The following NAV3 variants were observed in gnomAD, a reference collection of about 807,000 sequenced individuals.
NAV3 encodes neuron navigator 3.
In NAV3, 87 loss-of-function variants were observed where a neutral mutation model predicts 244.7. The ratio of observed to expected loss-of-function variants is 0.36; its 90% CI spans 0.30 to 0.42. NAV3 has a LOEUF of 0.42. NAV3 is among the 20% of genes least tolerant of loss of function. The pLI is 1.00. For synonymous variants in NAV3, 1,126 were observed against 1,042.2 expected (o/e 1.08, Z -1.55); for missense variants, 2,663 against 2,893.3 (o/e 0.92, Z 1.83).
chr12:77,623,697 A>T (rs919067336), intron 2 of NAV3, among the ~76,000 whole-genome samples: 5 of 152,206 alleles, frequency 3.3e-5, no homozygotes, highest in African/African-American at 1.2e-4. Flanking sequence ...AAATGCCAGG[A>T]TTTTCCTTGA....
At chr12:77,841,127 G>A (rs1486579216) in intron 1 of NAV3, among the ~76,000 whole-genome samples, 1 of 152,080 alleles carries the variant, frequency 6.6e-6, no homozygotes, top group Non-Finnish European at 1.5e-5. Flanking sequence ...TGGTTACATG[G>A]AGGACCTCCC....
At chr12:77,763,382 G>A (rs566619870) in intron 2 of NAV3, among the ~76,000 whole-genome samples, 68 of 152,300 alleles carry the variant, frequency 4.5e-4, no homozygotes, top group Non-Finnish European at 8.1e-4. Flanking sequence ...AAACAGGAGA[G>A]GTTTCAGCTT....
chr12:77,884,871 C>T (rs1006212178), intron 1 of NAV3, among the ~76,000 whole-genome samples: 1 of 152,070 alleles, frequency 6.6e-6, no homozygotes. Flanking sequence ...AATTTAGTAT[C>T]ACTTAAGAGG....
intron 2 of NAV3, among the ~76,000 whole-genome samples, chr12:77,648,328 C>A (rs896943882): frequency 6.6e-6 from 1 of 152,074 alleles, no homozygotes; most frequent in East Asian, 1.9e-4. Flanking sequence ...CACAGAGACA[C>A]CCTTAATTTT....
At position 78,179,681 on chromosome 12, in the gene NAV3, AG is replaced by A; in HGVS notation, c.5517+1del. On this transcript the variant is annotated frameshift_variant and splice_region_variant, in exon 29 of 40. Coordinates refer to ENST00000397909, the MANE Select transcript of NAV3 (RefSeq NM_001024383.2). LOFTEE classifies it high-confidence loss of function. ...DQIREAMNRM[Q>X]NEIEILKAEN... ...ATCCGGGAAGCCATGAACCGGATGC[AG>A]GTTGGTACTGAAGCACTTTCAAGGA... 1 of 1,609,040 alleles carries A rather than the reference AG, an allele frequency of 6.2e-7. No individual in the cohort carries two copies. Among genetic ancestry groups the A allele is most frequent in the Non-Finnish European group, 8.5e-7 (1 of 1,177,628 alleles).
intron 2 of NAV3, among the ~76,000 whole-genome samples, chr12:77,779,588 A>C: frequency 6.6e-6 from 1 of 152,192 alleles, no homozygotes; most frequent in East Asian, 1.9e-4. Flanking sequence ...ACTTATTTAT[A>C]TAATTTAAAA....
At chr12:77,851,808 T>A (rs1327512517) in intron 1 of NAV3, among the ~76,000 whole-genome samples, 1 of 152,248 alleles carries the variant, frequency 6.6e-6, no homozygotes, top group Admixed American at 6.5e-5. Context: ...TCTATATTAC[T>A]GTAACTTCAT....
At chr12:77,671,856 T>C (rs1873990444) in intron 2 of NAV3, among the ~76,000 whole-genome samples, 1 of 152,096 alleles carries the variant, frequency 6.6e-6, no homozygotes, top group Non-Finnish European at 1.5e-5. Context: ...AGGCAAAGAC[T>C]TAATGACCCA....
At chr12:77,618,162 T>C (rs1871215718) in intron 2 of NAV3, among the ~76,000 whole-genome samples, 1 of 152,194 alleles carries the variant, frequency 6.6e-6, no homozygotes, top group Non-Finnish European at 1.5e-5. Context: ...AGTTGAGCCT[T>C]CAGATGACTG....
At chr12:77,771,700 G>T (rs1234226591) in intron 2 of NAV3, among the ~76,000 whole-genome samples, 1 of 152,108 alleles carries the variant, frequency 6.6e-6, no homozygotes, top group East Asian at 1.9e-4. Context: ...ACTCATAGGT[G>T]GGAATTGAAC....
intron 1 of NAV3, among the ~76,000 whole-genome samples, chr12:77,862,426 G>T (rs1592815558): frequency 7.3e-6 from 1 of 136,730 alleles, no homozygotes; most frequent in Non-Finnish European, 1.6e-5. Context: ...GAAGAGTTTT[G>T]GGGGAGGTGA....
chr12:77,590,229 A>T (rs578106346), intron 2 of NAV3, among the ~76,000 whole-genome samples: 77 of 152,288 alleles, frequency 5.1e-4, no homozygotes, highest in African/African-American at 1.9e-3. Flanking sequence ...CAGAACTTGG[A>T]TGGGTGGAGG....
intron 12 of NAV3, among the ~76,000 whole-genome samples, chr12:78,095,278 A>C (rs1954191800): frequency 6.6e-6 from 1 of 152,080 alleles, no homozygotes. Context: ...TGAGATAACT[A>C]ATTTCTGAAA....
chr12:77,987,509 C>A (rs1180650572), intron 5 of NAV3, among the ~76,000 whole-genome samples: 1 of 152,102 alleles, frequency 6.6e-6, no homozygotes, highest in East Asian at 1.9e-4. Flanking sequence ...TAACATACTT[C>A]TGATAATTCT....
chr12:78,047,238 A>C (rs1881967886), intron 9 of NAV3, among the ~76,000 whole-genome samples: 1 of 152,188 alleles, frequency 6.6e-6, no homozygotes, highest in Non-Finnish European at 1.5e-5. Flanking sequence ...TTGTAATCCC[A>C]GCACTTTGAG....
intron 23 of NAV3, among the ~76,000 whole-genome samples, chr12:78,160,533 C>T (rs1203713693): frequency 2.0e-5 from 3 of 152,010 alleles, no homozygotes; most frequent in Non-Finnish European, 4.4e-5. Flanking sequence ...ATGCGTTCCT[C>T]TATCTATCCA....
chr12:77,975,698 G>A (rs897502895), intron 5 of NAV3, among the ~76,000 whole-genome samples: 1 of 152,122 alleles, frequency 6.6e-6, no homozygotes, highest in African/African-American at 2.4e-5. Flanking sequence ...TGGATCAGAG[G>A]GAAAGAGGCA....
At chr12:78,181,428 A>G (rs1433747667) in intron 30 of NAV3, among the ~76,000 whole-genome samples, 1 of 152,074 alleles carries the variant, frequency 6.6e-6, no homozygotes, top group Non-Finnish European at 1.5e-5. Flanking sequence ...TTTATTTTCT[A>G]AATCTGACTT....
intron 1 of NAV3, among the ~76,000 whole-genome samples, chr12:77,892,655 T>C (rs929585362): frequency 6.6e-6 from 1 of 152,132 alleles, no homozygotes; most frequent in Non-Finnish European, 1.5e-5. Flanking sequence ...GACCTTGTGA[T>C]CCACCCACCT....
Sources: allele counts gnomAD v4.1 joint callset (sites outside exome capture counted in the v4.1 genomes callset), GRCh38; gene constraint gnomAD v4.1.1; transcripts MANE v1.5; gene names NCBI Gene and HGNC (gene_info 2026-07-23, HGNC 2026-07-21).